CARD16: variants seen among roughly 807,000 people sequenced by gnomAD.
The protein encoded by CARD16 is caspase recruitment domain family member 16.
CARD16 carries 8 observed loss-of-function variants against 11.9 expected under a neutral mutation model. That is an observed-to-expected ratio of 0.67 (90% CI 0.39 to 1.21). The LOEUF (loss-of-function observed/expected upper bound fraction) is 1.21. Ranked by LOEUF, CARD16 falls within the 50% of genes most tolerant of loss-of-function variation. CARD16 has a pLI of 0.01. For missense variants in CARD16, 131 were observed against 118.1 expected, an observed-to-expected ratio of 1.11 and a Z score of -0.51; for synonymous variants, 44 against 43.8, an observed-to-expected ratio of 1.00 and a Z score of -0.02.
At position 105,044,557 on chromosome 11, in the gene CARD16, G is replaced by T. The variant is rs1042744; in HGVS notation, c.109C>A (p.Gln37Lys). 3.2e-4 allele frequency: 514 copies of T among 1,613,878 alleles called. 4 individuals carry two copies. The highest frequency in any genetic ancestry group is 1.7e-3 in the Middle Eastern group (10 of 6,060). ...CGTTTTACTTTCTCCATCTCTTCCT[G>T]GTTCAGCACCCTTGTCTGTAATAAT... Reference protein sequence around the residue: ...DELLQTRVLNQEEMEKVKREN... With the variant: ...DELLQTRVLNKEEMEKVKREN... Residue 37 changes from glutamine to lysine, a missense_variant, in exon 2 of 4, where the codon CAG (glutamine) becomes AAG (lysine). Transcript: ENST00000673097.
intron 2 of CARD16, 75 bp downstream of exon 2, chr11:105,044,317 G>A: frequency 6.2e-7 from 1 of 1,602,476 alleles, no homozygotes; most frequent in East Asian, 2.2e-5. Flanking sequence ...AGATTAACAT[G>A]ACTAGTAAAG....
chr11:105,042,746 T>A (rs554012184), intron 3 of CARD16, among the ~76,000 whole-genome samples: 1 of 152,082 alleles, frequency 6.6e-6, no homozygotes. Context: ...AGAAAAGCAT[T>A]TGAGTTATTT....
intron 1 of CARD16, chr11:105,045,003 T>G (rs905692677): frequency 3.3e-6 from 2 of 602,678 alleles, no homozygotes; most frequent in Non-Finnish European, 5.9e-6. Flanking sequence ...ACTCCTCCTG[T>G]GCCAATTCTG....
intron 3 of CARD16, among the ~76,000 whole-genome samples, chr11:105,042,068 A>T (rs1192399870): frequency 1.3e-5 from 2 of 152,222 alleles, no homozygotes; most frequent in African/African-American, 4.8e-5. Context: ...AAAGGATTCA[A>T]ACCCTAGGAT....
chr11:105,044,688 A>T (rs2134888639), intron 1 of CARD16, 30 bp from the exon 2 acceptor site: 1 of 1,611,378 alleles, frequency 6.2e-7, no homozygotes, highest in East Asian at 2.2e-5. Flanking sequence ...TTCTCACATC[A>T]TGAAAACAGC....
chr11:105,045,034 A>T, intron 1 of CARD16: 1 of 618,056 alleles, frequency 1.6e-6, no homozygotes, highest in Non-Finnish European at 2.8e-6. Flanking sequence ...CAGACTTACG[A>T]CAGGTAAGCA....
intron 2 of CARD16, 76 bp downstream of exon 2, chr11:105,044,315 AT>A: frequency 1.2e-6 from 2 of 1,602,746 alleles, no homozygotes; most frequent in Non-Finnish European, 1.7e-6. Flanking sequence ...GCAGATTAAC[AT>A]GACTAGTAAA....
rs543717531 is a variant in CARD16, at chr11:105,043,873, A to T, written c.275-328T>A. ...AAATGCATGGGGGCAACGGGAGGAAAGAGCCCTGTTGAAATCTTTACTATT... is the reference window on the plus strand; with the variant it reads ...AAATGCATGGGGGCAACGGGAGGAATGAGCCCTGTTGAAATCTTTACTATT... On this transcript the variant is annotated intron_variant, in intron 2 of 3. Coordinates refer to ENST00000673097, the MANE Select transcript of CARD16 (RefSeq NM_052889.4). 14 of 306,566 alleles carry T rather than the reference A, an allele frequency of 4.6e-5. No homozygotes were observed. In the East Asian group the frequency reaches 7.8e-4, roughly 17 times the overall value. The allele number at this position is 306,566 out of a possible 1,614,324, so 19.0% of individuals were successfully genotyped here.
At chr11:105,043,575 C>T in intron 2 of CARD16, 30 bp from the exon 3 acceptor site, 1 of 1,522,000 alleles carries the variant, frequency 6.6e-7, no homozygotes, top group South Asian at 1.1e-5. Context: ...ATTGAAATAG[C>T]CACTTATCAT....
intron 3 of CARD16, among the ~76,000 whole-genome samples, chr11:105,043,279 T>C (rs999953736): frequency 6.6e-6 from 1 of 152,146 alleles, no homozygotes; most frequent in Non-Finnish European, 1.5e-5. Context: ...GAATTTGAGA[T>C]ACAAATTCAG....
chr11:105,044,276 G>A, intron 2 of CARD16, 116 bp downstream of exon 2: 1 of 1,526,764 alleles, frequency 6.5e-7, no homozygotes, highest in African/African-American at 1.4e-5. Flanking sequence ...CAGAAATATG[G>A]CCCAAAGGCA....
intron 3 of CARD16, 102 bp from the exon 4 acceptor site, chr11:105,041,821 C>T: frequency 9.3e-7 from 1 of 1,074,720 alleles, no homozygotes; most frequent in Non-Finnish European, 1.3e-6. Flanking sequence ...TCCTAGAGGA[C>T]AATCCTAATC....
chr11:105,042,900 G>C (rs571211463), intron 3 of CARD16, among the ~76,000 whole-genome samples: 3 of 152,242 alleles, frequency 2.0e-5, no homozygotes, highest in African/African-American at 7.2e-5. Context: ...CCTCTAAATT[G>C]CTTTCAAATA....
intron 2 of CARD16, chr11:105,043,896 A>G (rs1429530017): frequency 7.1e-6 from 2 of 280,166 alleles, no homozygotes; most frequent in South Asian, 1.3e-4. Context: ...AATCTTTACT[A>G]TTCTGTAATC....
At position 105,041,585 on chromosome 11, in the gene CARD16, T is replaced by C. The variant is rs1864113094; in HGVS notation, c.*178A>G. 2.5e-6 allele frequency: 4 copies of C among 1,614,078 alleles called. No homozygotes were observed. The highest frequency in any genetic ancestry group is 3.4e-6 in the Non-Finnish European group (4 of 1,179,918). ...GTATATCTTTCACTCCACTTTATTA[T>C]TGTATTCTGAACATGGCACCTCTGC... On this transcript the variant is annotated 3_prime_UTR_variant, in exon 4 of 4. Coordinates refer to ENST00000673097, the MANE Select transcript of CARD16 (RefSeq NM_052889.4).
At chr11:105,041,762 T>C (rs1864116953) in intron 3 of CARD16, 43 bp from the exon 4 acceptor site, 1 of 1,579,228 alleles carries the variant, frequency 6.3e-7, no homozygotes, top group African/African-American at 1.4e-5. Context: ...TATCCCTCTT[T>C]GTTCTTATAG....
At chr11:105,041,855 G>T in intron 3 of CARD16, 136 bp from the exon 4 acceptor site, 1 of 795,656 alleles carries the variant, frequency 1.3e-6, no homozygotes, top group Admixed American at 2.9e-5. Context: ...AGTTGAGTGC[G>T]TTTGCTGCTA....
chr11:105,045,286 C>G lies in CARD16; in HGVS notation c.7+5G>C. 6.2e-7 allele frequency: 1 copy of G among 1,614,020 alleles called. No homozygotes were observed. The highest frequency in any genetic ancestry group is 1.3e-5 in the African/African-American group (1 of 75,044). On this transcript the variant is annotated splice_donor_5th_base_variant and intron_variant, in intron 1 of 3. Coordinates refer to ENST00000673097, the MANE Select transcript of CARD16 (RefSeq NM_052889.4). ...GACCTGTTCTTGGAACAGTAAAAGA[C>G]TCACCGGCCATGGCTTTTCTCTCCT...
At position 105,041,637 on chromosome 11, in the gene CARD16, G is replaced by A. The variant is rs375221876; in HGVS notation, c.*126C>T. The A allele has an allele frequency of 4.5e-5, 73 of 1,613,848 alleles. No homozygotes were observed. The highest frequency in any genetic ancestry group is 2.5e-4 in the African/African-American group (19 of 74,894). The stretch of plus-strand genomic sequence containing the variant: ...ACTTTTGTTTCCATATCCTTTGAGC[G>A]TCTTCTAGAAAGCAAAGCTTGATTC... On this transcript the variant is annotated 3_prime_UTR_variant, in exon 4 of 4. Transcript: ENST00000673097.
Sources: allele counts gnomAD v4.1 joint callset (sites outside exome capture counted in the v4.1 genomes callset), GRCh38; gene constraint gnomAD v4.1.1; transcripts MANE v1.5; gene names NCBI Gene and HGNC (gene_info 2026-07-23, HGNC 2026-07-21).